The following ZNF595 variants were observed in gnomAD, a reference collection of about 807,000 sequenced individuals.
ZNF595 encodes the protein zinc finger protein 595.
In ZNF595, 9 loss-of-function variants were observed where a neutral mutation model predicts 19.4. The observed-to-expected ratio is 0.46, with a 90% CI of 0.28 to 0.81. The LOEUF is 0.81. Among genes scored for constraint, ZNF595 ranks in the 30% least tolerant of loss-of-function variants. The pLI is 0.11. For missense variants in ZNF595, 729 were observed against 736.0 expected (o/e 0.99, Z 0.11); for synonymous variants, 255 against 255.9 (o/e 1.00, Z 0.03).
At position 85,781 on chromosome 4, in the gene ZNF595, GATTC is replaced by G; in HGVS notation, c.282_285del (p.Phe95ThrfsTer5). The G allele has an allele frequency of 6.2e-7, 1 of 1,612,348 alleles. No homozygotes were observed. Among genetic ancestry groups the G allele is most frequent in the Non-Finnish European group, 8.5e-7 (1 of 1,178,790 alleles). On this transcript the variant is annotated frameshift_variant, in exon 4 of 4. Coordinates refer to ENST00000610261, the MANE Select transcript of ZNF595 (RefSeq NM_182524.4). LOFTEE classifies it low-confidence loss of function (END_TRUNC). ...CCTTTCACCAGTGCAGGGGATAGAA[GATTC>G]ATTCCACAAACTTATACTGAAAAGA... is the stretch of plus-strand genomic sequence containing the variant.
At chr4:70,356 A>G (rs1265188045) in intron 3 of ZNF595, among the ~76,000 whole-genome samples, 1 of 147,826 alleles carries the variant, frequency 6.8e-6, no homozygotes, top group Non-Finnish European at 1.5e-5. Flanking sequence ...TTTTTTTTTG[A>G]AGACAGAGAC....
At chr4:71,230 A>G (rs1212131816) in intron 3 of ZNF595, among the ~76,000 whole-genome samples, 1 of 152,206 alleles carries the variant, frequency 6.6e-6, no homozygotes, top group Non-Finnish European at 1.5e-5. Flanking sequence ...GTTCTAGTTA[A>G]TTAGGTTTTT....
chr4:70,004 C>G (rs1713361020), intron 3 of ZNF595, among the ~76,000 whole-genome samples: 1 of 152,170 alleles, frequency 6.6e-6, no homozygotes, highest in South Asian at 2.1e-4. Flanking sequence ...GTCCGGGCCA[C>G]TTACAGACTC....
At chr4:84,207 T>C (rs943414941) in intron 3 of ZNF595, among the ~76,000 whole-genome samples, 1 of 152,170 alleles carries the variant, frequency 6.6e-6, no homozygotes, top group Non-Finnish European at 1.5e-5. Flanking sequence ...TTATGCTCTT[T>C]AAAATTTTAG....
chr4:57,478 C>CCCATAATAATGACAGAAGAGA (rs1581361841), intron 1 of ZNF595, among the ~76,000 whole-genome samples: 2 of 151,078 alleles, frequency 1.3e-5, no homozygotes, highest in East Asian at 1.9e-4. Flanking sequence ...GGCATCAGCC[C>CCCATAATAATGACAGAAGAGA]AGGGTCACTG....
intron 3 of ZNF595, among the ~76,000 whole-genome samples, chr4:80,832 A>C (rs1713876966): frequency 6.6e-6 from 1 of 150,774 alleles, no homozygotes; most frequent in Non-Finnish European, 1.5e-5. Context: ...GAGGCCTGAC[A>C]ATTTAAGTTC....
chr4:78,335 GTAATTT>G (rs1713761909), intron 3 of ZNF595, among the ~76,000 whole-genome samples: 1 of 152,090 alleles, frequency 6.6e-6, no homozygotes, highest in South Asian at 2.1e-4. Context: ...TGTTTGCCTG[GTAATTT>G]TAAACTCTGT....
intron 3 of ZNF595, among the ~76,000 whole-genome samples, chr4:78,175 A>G (rs1713754115): frequency 6.6e-6 from 1 of 151,982 alleles, no homozygotes; most frequent in Non-Finnish European, 1.5e-5. Flanking sequence ...CGTCCGGCTA[A>G]TTTTTTGTAT....
intron 3 of ZNF595, among the ~76,000 whole-genome samples, chr4:79,078 A>G (rs989460316): frequency 2.0e-5 from 3 of 152,228 alleles, no homozygotes; most frequent in Admixed American, 2.0e-4. Flanking sequence ...ACCTTACAAA[A>G]GTAAAATTTA....
At chr4:80,877 A>G (rs1339161316) in intron 3 of ZNF595, among the ~76,000 whole-genome samples, 3 of 152,202 alleles carry the variant, frequency 2.0e-5, no homozygotes, top group Non-Finnish European at 2.9e-5. Flanking sequence ...GGTTTGTTAC[A>G]TAAGTATACA....
intron 1 of ZNF595, among the ~76,000 whole-genome samples, chr4:58,232 A>AT (rs1194227173): frequency 1.3e-4 from 19 of 148,850 alleles, no homozygotes; most frequent in Non-Finnish European, 1.2e-4. Flanking sequence ...TACTTAAATT[A>AT]TTTTATGTAA....
intron 3 of ZNF595, among the ~76,000 whole-genome samples, chr4:70,479 A>G (rs1553797710): frequency 6.6e-6 from 1 of 151,956 alleles, no homozygotes; most frequent in African/African-American, 2.4e-5. Context: ...GTGGGACTAC[A>G]GGCGTGCACC....
chr4:75,077 A>C (rs782367300), intron 3 of ZNF595, among the ~76,000 whole-genome samples: 2 of 151,658 alleles, frequency 1.3e-5, no homozygotes, highest in Non-Finnish European at 2.9e-5. Context: ...GGCCACTGCT[A>C]CACTCTTTTA....
intron 3 of ZNF595, among the ~76,000 whole-genome samples, chr4:75,262 A>G (rs1713600907): frequency 6.6e-6 from 1 of 152,252 alleles, no homozygotes; most frequent in African/African-American, 2.4e-5. Flanking sequence ...TAATTTATAA[A>G]GAATAAAAGT....
chr4:54,909 T>C (rs1581309491), intron 1 of ZNF595, among the ~76,000 whole-genome samples: 1 of 152,306 alleles, frequency 6.6e-6, no homozygotes, highest in Non-Finnish European at 1.5e-5. Flanking sequence ...TGAGATGGCG[T>C]CTTGCTCTGT....
intron 3 of ZNF595, among the ~76,000 whole-genome samples, chr4:66,391 G>A (rs1713109634): frequency 6.6e-6 from 1 of 151,028 alleles, no homozygotes; most frequent in Non-Finnish European, 1.5e-5. Flanking sequence ...GTATATTTTG[G>A]CTTTTCTGCT....
Position 86,506 on chromosome 4 carries a change from T to C in ZNF595, c.1002T>C (p.His334=), listed in dbSNP as rs1283455884. The C allele has an allele frequency of 6.2e-7, 1 of 1,613,912 alleles. No individual in the cohort carries two copies. The highest frequency in any genetic ancestry group is 8.5e-7 in the Non-Finnish European group (1 of 1,179,942). ...SRSLNEHKNI[H]TGEKPYTCEK... ...GCCTGAATGAACATAAAAATATTCA[T>C]ACTGGCGAAAAACCCTACACATGTG... is the stretch of plus-strand genomic sequence containing the variant. The change falls in exon 4 of 4, where the codon CAT becomes CAC. Residue 334 remains histidine (H), a synonymous_variant. Transcript: ENST00000610261.
At chr4:69,727 A>T (rs1713349593) in intron 3 of ZNF595, among the ~76,000 whole-genome samples, 1 of 151,978 alleles carries the variant, frequency 6.6e-6, no homozygotes, top group Admixed American at 6.6e-5. Flanking sequence ...GCTGTTTAGA[A>T]GCTCTTTATG....
Position 86,393 on chromosome 4 carries a change from A to G in ZNF595, c.889A>G (p.Thr297Ala). The G allele has an allele frequency of 1.1e-5, 17 of 1,612,896 alleles. No individual in the cohort carries two copies. Among genetic ancestry groups the G allele is most frequent in the East Asian group, 2.2e-5 (1 of 44,730 alleles). ...ATGTGGCAAAGCCTTTAGATGGTCCACAAGCCTGAATGAACATAAGAATAT... is the reference window on the plus strand; with the variant it reads ...ATGTGGCAAAGCCTTTAGATGGTCCGCAAGCCTGAATGAACATAAGAATAT... ...KECGKAFRWS[T>A]SLNEHKNIHT... The change falls in exon 4 of 4, where the codon ACA becomes GCA. Residue 297 changes from threonine (T) to alanine (A), a missense_variant. Physicochemically the swap from Thr to Ala is moderately conservative, Grantham distance 58. This residue lies in a region of ZNF595 where 729 missense variants were observed against 675.3 expected (regional missense o/e 1.08). Transcript: ENST00000610261.
Sources: gnomAD v4.1 joint callset for allele counts (sites outside exome capture counted in the v4.1 genomes callset) on GRCh38, gnomAD v4.1.1 for gene constraint, gnomAD v4.1.1 regional missense constraint, MANE v1.5 for transcripts, NCBI Gene and HGNC (gene_info 2026-07-23, HGNC 2026-07-21) for gene names.